DMD: variants seen among roughly 807,000 people sequenced by gnomAD.
DMD encodes the protein dystrophin, also known as mutant dystrophin.
A neutral mutation model predicts 330.1 loss-of-function variants in DMD; 63 were observed. The ratio of observed to expected loss-of-function variants is 0.19; its 90% CI spans 0.16 to 0.24. The LOEUF is 0.24. DMD is among the 10% of genes least tolerant of loss of function. DMD has a pLI of 1.00. For synonymous variants in DMD, 1,223 were observed against 959.8 expected (o/e 1.27, Z -5.07); for missense variants, 3,344 against 2,684.1 (o/e 1.25, Z -5.43).
intron 1 of DMD, among the ~76,000 whole-genome samples, chrX:33,058,227 G>A (rs954162074): frequency 6.3e-5 from 7 of 111,272 alleles, no homozygotes; most frequent in African/African-American, 1.6e-4. Flanking sequence ...GTTATATCAG[G>A]TTCTGCTATT....
intron 2 of DMD, among the ~76,000 whole-genome samples, chrX:32,967,965 T>C (rs993819719): frequency 6.2e-5 from 7 of 112,060 alleles, no homozygotes; most frequent in African/African-American, 2.3e-4. Flanking sequence ...TATTGTTTCA[T>C]TCTTCACACT....
chrX:31,567,326 T>C (rs1447127566), intron 55 of DMD, among the ~76,000 whole-genome samples: 1 of 111,375 alleles, frequency 9.0e-6, no homozygotes, highest in East Asian at 2.8e-4. Flanking sequence ...CCTTCCATTA[T>C]TAAAATTATG....
intron 13 of DMD, among the ~76,000 whole-genome samples, chrX:32,588,013 T>TA (rs2054483335): frequency 9.0e-6 from 1 of 111,389 alleles, no homozygotes; most frequent in African/African-American, 3.3e-5. Flanking sequence ...AGGAAGGGTC[T>TA]ATTTCTAGAG....
At chrX:33,226,451 G>A (rs189313547) in intron 1 of DMD, among the ~76,000 whole-genome samples, 2 of 111,784 alleles carry the variant, frequency 1.8e-5, no homozygotes, top group Admixed American at 9.5e-5. Flanking sequence ...TATGCTGAGT[G>A]AACAAGGCTA....
intron 2 of DMD, among the ~76,000 whole-genome samples, chrX:33,006,498 C>T (rs1326290516): frequency 9.0e-6 from 1 of 111,604 alleles, no homozygotes; most frequent in African/African-American, 3.2e-5. Context: ...CAAAGATAGC[C>T]TTTTCAACAA....
intron 2 of DMD, among the ~76,000 whole-genome samples, chrX:32,866,530 T>C (rs1398344716): frequency 9.0e-6 from 1 of 110,900 alleles, no homozygotes; most frequent in Non-Finnish European, 1.9e-5. Flanking sequence ...CTGCTGAAAT[T>C]GAATATGGGC....
rs12010588 is a variant in DMD at position 31,467,406 on chromosome X, G to A, written c.8937+10700C>T. ...TTGAATTTTATTGAAGGCCTTTTCC[G>A]CTTCTATTGAGATAATCATGTGGTT... On this transcript the variant is annotated intron_variant, in intron 59 of 78. Transcript: ENST00000357033. 9.6e-3 allele frequency among the ~76,000 whole-genome samples: 1,069 copies of A among 111,313 alleles called. 7 individuals carry two copies. The highest frequency in any genetic ancestry group is 0.033 in the African/African-American group (1,009 of 30,593).
At chrX:32,680,984 T>C (rs1487124030) in intron 9 of DMD, among the ~76,000 whole-genome samples, 2 of 112,431 alleles carry the variant, frequency 1.8e-5, no homozygotes, top group Non-Finnish European at 3.7e-5. Flanking sequence ...TTCACTGATT[T>C]CTTCTCCATA....
At chrX:32,579,279 T>C (rs1329140071) in intron 13 of DMD, among the ~76,000 whole-genome samples, 1 of 112,186 alleles carries the variant, frequency 8.9e-6, no homozygotes, top group African/African-American at 3.2e-5. Context: ...TTTTCAAAAG[T>C]ATAATTCTTA....
At chrX:32,078,932 C>A (rs1359855164) in intron 44 of DMD, among the ~76,000 whole-genome samples, 1 of 111,830 alleles carries the variant, frequency 8.9e-6, no homozygotes, top group Non-Finnish European at 1.9e-5. Flanking sequence ...ACAAACTATA[C>A]TCCATGTTTC....
intron 42 of DMD, among the ~76,000 whole-genome samples, chrX:32,308,871 A>T (rs973440072): frequency 1.9e-4 from 21 of 111,208 alleles, no homozygotes; most frequent in African/African-American, 6.5e-4. Flanking sequence ...TTACTTATTG[A>T]ATGACAATGA....
At chrX:32,017,452 G>C (rs1257041837) in intron 44 of DMD, among the ~76,000 whole-genome samples, 1 of 111,819 alleles carries the variant, frequency 8.9e-6, no homozygotes, top group African/African-American at 3.3e-5. Context: ...AAAAAGTTTA[G>C]AGGCAAATTA....
intron 1 of DMD, among the ~76,000 whole-genome samples, chrX:33,061,404 C>T (rs867101331): frequency 9.0e-6 from 1 of 111,692 alleles, no homozygotes; most frequent in Non-Finnish European, 1.9e-5. Flanking sequence ...AAGTGATGAG[C>T]TTTGGAGAAG....
At chrX:32,435,147 G>A (rs1328981675) in intron 29 of DMD, among the ~76,000 whole-genome samples, 3 of 106,983 alleles carry the variant, frequency 2.8e-5, no homozygotes, top group African/African-American at 6.7e-5. Context: ...ATGGAGGCAT[G>A]TGCATTTCAT....
At chrX:32,808,119 T>A (rs948843553) in intron 7 of DMD, among the ~76,000 whole-genome samples, 1 of 111,603 alleles carries the variant, frequency 9.0e-6, no homozygotes, top group African/African-American at 3.3e-5. Flanking sequence ...TCCCCTATAC[T>A]GCAAACTAAG....
intron 37 of DMD, among the ~76,000 whole-genome samples, chrX:32,354,537 T>C (rs978913454): frequency 9.0e-6 from 1 of 111,677 alleles, no homozygotes; most frequent in African/African-American, 3.2e-5. Flanking sequence ...AGAAGAAAGA[T>C]TATTTAAAAT....
At chrX:33,147,352 A>T (rs941651288) in intron 1 of DMD, among the ~76,000 whole-genome samples, 7 of 112,080 alleles carry the variant, frequency 6.2e-5, no homozygotes, top group Admixed American at 9.5e-5. Context: ...CATTCATTGT[A>T]TTCATTGCAT....
At chrX:32,799,327 G>A (rs1016423733) in intron 7 of DMD, among the ~76,000 whole-genome samples, 5 of 111,190 alleles carry the variant, frequency 4.5e-5, no homozygotes, top group South Asian at 3.8e-4. Context: ...AATTTCTCTC[G>A]AGTCCTAGTG....
intron 50 of DMD, among the ~76,000 whole-genome samples, chrX:31,790,929 T>C (rs1489603093): frequency 8.9e-6 from 1 of 112,137 alleles, no homozygotes; most frequent in Non-Finnish European, 1.9e-5. Context: ...TATTGTAATA[T>C]AATTTTGCAT....
Sources: allele counts gnomAD v4.1 joint callset (sites outside exome capture counted in the v4.1 genomes callset), GRCh38; gene constraint gnomAD v4.1.1; transcripts MANE v1.5; gene names NCBI Gene and HGNC (gene_info 2026-07-23, HGNC 2026-07-21).